The following C10orf67 variants were observed in gnomAD, a reference collection of about 807,000 sequenced individuals.
C10orf67 encodes chromosome 10 open reading frame 67, also known as uncharacterized protein C10orf67, mitochondrial.
Under a neutral mutation model 35.6 loss-of-function variants are expected in C10orf67, and 60 were observed. The ratio of observed to expected loss-of-function variants is 1.68; its 90% confidence interval spans 1.37 to 2.09. The LOEUF is 2.09. Among genes scored for constraint, C10orf67 ranks in the 30% most tolerant of loss-of-function variants. C10orf67 has a pLI of 0.00. For missense variants in C10orf67, 474 were observed against 330.2 expected, an observed-to-expected ratio of 1.44 and a Z score of -3.38; for synonymous variants, 167 against 115.8, an observed-to-expected ratio of 1.44 and a Z score of -2.84.
At chr10:23,279,302 A>G (rs145176361) in intron 8 of C10orf67, among the ~76,000 whole-genome samples, 3 of 152,366 alleles carry the variant, frequency 2.0e-5, no homozygotes, top group East Asian at 1.9e-4. Context: ...GTTTGTCTTG[A>G]TGAAGAGCCA....
rs1434789249 is a variant in C10orf67 at position 23,322,504 on chromosome 10, G to C, written c.361C>G (p.Leu121Val). The change falls in exon 3 of 16, where the codon CTC becomes GTC. Residue 121 changes from leucine (L) to valine (V), a missense_variant. Transcript: ENST00000636213. ...AACTTCAACTGAAGCAATTGTTTGAGGAACCCAAAATCTACCTGGAGGGAT... is the reference window on the plus strand; with the variant it reads ...AACTTCAACTGAAGCAATTGTTTGACGAACCCAAAATCTACCTGGAGGGAT... The part of the protein sequence containing the change: ...MKSLQVDFGF[L>V]KQLLQLKFED... 1 of 1,611,312 alleles carries C rather than the reference G, an allele frequency of 6.2e-7. No homozygotes were observed. The highest frequency in any genetic ancestry group is 1.3e-5 in the African/African-American group (1 of 74,842).
At chr10:23,220,714 G>T (rs1290188693) in intron 15 of C10orf67, among the ~76,000 whole-genome samples, 1 of 152,068 alleles carries the variant, frequency 6.6e-6, no homozygotes, top group Non-Finnish European at 1.5e-5. Flanking sequence ...TGTAAAATGG[G>T]GGAAAGCAAG....
At chr10:23,237,350 A>G (rs190148426) in intron 13 of C10orf67, among the ~76,000 whole-genome samples, 15 of 152,294 alleles carry the variant, frequency 9.8e-5, no homozygotes, top group Admixed American at 3.3e-4. Context: ...GAACATGTGC[A>G]TGCATGTGTC....
chr10:23,299,740 G>A (rs541664074), intron 5 of C10orf67, among the ~76,000 whole-genome samples: 1 of 152,242 alleles, frequency 6.6e-6, no homozygotes, highest in Admixed American at 6.5e-5. Flanking sequence ...CACTTTGGGA[G>A]GCTGAGGCGG....
At chr10:23,241,675 T>C (rs1269371631) in intron 12 of C10orf67, among the ~76,000 whole-genome samples, 2 of 152,182 alleles carry the variant, frequency 1.3e-5, no homozygotes, top group Admixed American at 6.5e-5. Context: ...CACAAGGGTT[T>C]TTTTTAAAGA....
intron 1 of C10orf67, among the ~76,000 whole-genome samples, chr10:23,336,021 T>TA (rs1291801021): frequency 4.6e-5 from 7 of 151,912 alleles, no homozygotes; most frequent in Admixed American, 1.3e-4. Context: ...CATGGGGCCA[T>TA]AAAAAAAACT....
chr10:23,226,607 G>A (rs57851652), intron 13 of C10orf67, among the ~76,000 whole-genome samples: 4 of 151,974 alleles, frequency 2.6e-5, no homozygotes, highest in Non-Finnish European at 5.9e-5. Context: ...AACTGAAGGA[G>A]ATACAGACGC....
intron 13 of C10orf67, among the ~76,000 whole-genome samples, chr10:23,228,989 C>G (rs1433705503): frequency 6.6e-6 from 1 of 152,052 alleles, no homozygotes; most frequent in Non-Finnish European, 1.5e-5. Flanking sequence ...GTTGGTGGGA[C>G]AGTAAACTAG....
At chr10:23,268,228 G>A (rs997964512) in intron 8 of C10orf67, among the ~76,000 whole-genome samples, 2 of 152,212 alleles carry the variant, frequency 1.3e-5, no homozygotes, top group Non-Finnish European at 2.9e-5. Context: ...CCAGGAGTTT[G>A]AGGTTACAGT....
intron 13 of C10orf67, among the ~76,000 whole-genome samples, chr10:23,234,993 C>A (rs1315857784): frequency 1.3e-5 from 1 of 75,948 alleles, no homozygotes; most frequent in African/African-American, 5.4e-5. Flanking sequence ...GCCTGAGGAA[C>A]AAGAGCGAAA....
At chr10:23,241,827 C>G (rs1012975261) in intron 12 of C10orf67, among the ~76,000 whole-genome samples, 4 of 151,672 alleles carry the variant, frequency 2.6e-5, no homozygotes, top group Admixed American at 6.6e-5. Flanking sequence ...GTAACTATAC[C>G]TAGGGACATC....
chr10:23,289,847 C>A, intron 7 of C10orf67, 53 bp downstream of exon 7: 1 of 706,866 alleles, frequency 1.4e-6, no homozygotes, highest in South Asian at 1.5e-5. Flanking sequence ...TGGCCAATTG[C>A]GCCTATAGTT....
chr10:23,255,547 T>TTGTGTTCA (rs113181098), intron 10 of C10orf67, among the ~76,000 whole-genome samples: 103 of 152,318 alleles, frequency 6.8e-4, no homozygotes, highest in African/African-American at 2.4e-3. Context: ...ATCCTAGACC[T>TTGTGTTCA]TGTGTTCATG....
chr10:23,292,741 G>T (rs1329742055), intron 5 of C10orf67, among the ~76,000 whole-genome samples: 1 of 151,864 alleles, frequency 6.6e-6, no homozygotes, highest in African/African-American at 2.4e-5. Context: ...GTGTGTGTGT[G>T]TGTAAGAGTT....
chr10:23,250,407 T>C (rs946337696), intron 12 of C10orf67, 48 bp downstream of exon 12: 1 of 398,106 alleles, frequency 2.5e-6, no homozygotes, highest in Admixed American at 4.4e-5. Flanking sequence ...CCTTAAAGGA[T>C]GATTAGTCAT....
At chr10:23,254,972 A>T (rs996772135) in intron 10 of C10orf67, among the ~76,000 whole-genome samples, 1 of 152,172 alleles carries the variant, frequency 6.6e-6, no homozygotes, top group Non-Finnish European at 1.5e-5. Context: ...CTGACTCATC[A>T]TGATGAAGAA....
At chr10:23,291,090 C>G (rs755745835) in intron 6 of C10orf67, 42 bp downstream of exon 6, 87 of 686,650 alleles carry the variant, frequency 1.3e-4, no homozygotes, top group Non-Finnish European at 1.9e-4. Flanking sequence ...TACAAAGTGA[C>G]CAATATACAG....
intron 4 of C10orf67, among the ~76,000 whole-genome samples, chr10:23,311,703 C>T (rs1252919783): frequency 9.3e-6 from 1 of 107,550 alleles, no homozygotes. Context: ...AAGAGCGAAA[C>T]TCCATCTCAA....
intron 4 of C10orf67, among the ~76,000 whole-genome samples, chr10:23,309,430 T>G (rs975209029): frequency 6.6e-6 from 1 of 152,180 alleles, no homozygotes; most frequent in African/African-American, 2.4e-5. Flanking sequence ...AAATATTACC[T>G]ATTGAATACA....
Sources: allele counts gnomAD v4.1 joint callset (sites outside exome capture counted in the v4.1 genomes callset), GRCh38; gene constraint gnomAD v4.1.1; transcripts MANE v1.5; gene names NCBI Gene and HGNC (gene_info 2026-07-23, HGNC 2026-07-21).